Variants in FYB2 observed in about 807,000 individuals in gnomAD.
The protein encoded by FYB2 is FYN-binding protein 2.
A neutral mutation model predicts 94.1 loss-of-function variants in FYB2; 103 were observed. That is an observed-to-expected ratio of 1.09 (90% CI 0.93 to 1.29). The LOEUF (loss-of-function observed/expected upper bound fraction) is 1.29, where lower values mean the gene tolerates loss of function less well. Among genes scored for constraint, FYB2 ranks in the 50% most tolerant of loss-of-function variants. FYB2 has a pLI of 0.00. For synonymous variants in FYB2, 293 were observed against 287.9 expected (o/e 1.02, Z -0.18); for missense variants, 896 against 841.5 (o/e 1.06, Z -0.80).
At chr1:56,798,131 G>T (rs2101011109) in intron 1 of FYB2, among the ~76,000 whole-genome samples, 1 of 152,304 alleles carries the variant, frequency 6.6e-6, no homozygotes, top group African/African-American at 2.4e-5. Flanking sequence ...ATTTAGAAAA[G>T]TTAGCTGGTT....
intron 1 of FYB2, among the ~76,000 whole-genome samples, chr1:56,815,501 G>A (rs575463450): frequency 4.6e-5 from 7 of 152,126 alleles, no homozygotes; most frequent in African/African-American, 7.2e-5. Flanking sequence ...TCCAAGATAG[G>A]GCCTGAGAGT....
chr1:56,773,935 T>C (rs1188681605), intron 4 of FYB2, among the ~76,000 whole-genome samples: 2 of 152,120 alleles, frequency 1.3e-5, no homozygotes, highest in African/African-American at 4.8e-5. Context: ...TGGACAAATT[T>C]CTATTTCCAG....
At chr1:56,766,235 T>C (rs905320135) in intron 5 of FYB2, among the ~76,000 whole-genome samples, 5 of 152,138 alleles carry the variant, frequency 3.3e-5, no homozygotes, top group African/African-American at 1.2e-4. Flanking sequence ...GTATGAACGC[T>C]AGAAATTGAG....
chr1:56,748,956 A>G (rs1402885221), intron 9 of FYB2, among the ~76,000 whole-genome samples: 1 of 151,368 alleles, frequency 6.6e-6, no homozygotes, highest in Non-Finnish European at 1.5e-5. Flanking sequence ...TGTGAAAGGC[A>G]TTTTTATGAG....
At chr1:56,807,514 T>C (rs1646675054) in intron 1 of FYB2, among the ~76,000 whole-genome samples, 1 of 152,176 alleles carries the variant, frequency 6.6e-6, no homozygotes, top group Non-Finnish European at 1.5e-5. Context: ...ATACTAGCAA[T>C]GGAAGTCATT....
At chr1:56,740,824 A>G (rs757489567) in intron 12 of FYB2, 29 bp from the exon 13 acceptor site, 1 of 1,462,126 alleles carries the variant, frequency 6.8e-7, no homozygotes, top group East Asian at 2.3e-5. Context: ...TATAAGTAAC[A>G]TGGCATTTAA....
chr1:56,795,915 T>TC (rs1646386801), intron 1 of FYB2, among the ~76,000 whole-genome samples: 2 of 152,226 alleles, frequency 1.3e-5, no homozygotes, highest in African/African-American at 4.8e-5. Flanking sequence ...GGCTCTTTAC[T>TC]CTTTCAACGC....
At chr1:56,816,850 C>T (rs1012888440) in intron 1 of FYB2, among the ~76,000 whole-genome samples, 2 of 149,886 alleles carry the variant, frequency 1.3e-5, no homozygotes, top group Non-Finnish European at 3.0e-5. Flanking sequence ...AAGTTGGAGT[C>T]ATCAACAATT....
At chr1:56,754,089 T>C (rs1645267525) in intron 7 of FYB2, among the ~76,000 whole-genome samples, 154 bp from the exon 8 acceptor site, 2 of 152,202 alleles carry the variant, frequency 1.3e-5, no homozygotes, top group Middle Eastern at 6.8e-3. Flanking sequence ...AGATCAATTA[T>C]ATACATAGCT....
chr1:56,754,063 T>A, intron 7 of FYB2, 128 bp from the exon 8 acceptor site: 1 of 639,996 alleles, frequency 1.6e-6, no homozygotes. Flanking sequence ...TTATCTTAGA[T>A]GAAGGGACTA....
At chr1:56,726,880 A>C (rs1369671068) in intron 15 of FYB2, among the ~76,000 whole-genome samples, 1 of 151,956 alleles carries the variant, frequency 6.6e-6, no homozygotes, top group Non-Finnish European at 1.5e-5. Context: ...TCCAAATTTG[A>C]ATCCAGATGC....
intron 13 of FYB2, 110 bp from the exon 14 acceptor site, chr1:56,738,763 C>A: frequency 1.8e-6 from 2 of 1,138,468 alleles, no homozygotes; most frequent in Admixed American, 2.1e-5. Context: ...CCCTTCTTGC[C>A]CTGGTATTCT....
In FYB2 at chr1:56,770,919, C is replaced by T. The variant is rs544691867; in HGVS notation, c.954-2981G>A. ...AACAGGGAAATGGAAATCAAGATAACGAAAATTTAGTTCACATTCATCAGA... is the reference window on the plus strand; with the variant it reads ...AACAGGGAAATGGAAATCAAGATAATGAAAATTTAGTTCACATTCATCAGA... On this transcript the variant is annotated intron_variant, in intron 4 of 19. Transcript: ENST00000343433. Among the ~76,000 whole-genome samples, 9 of 152,116 alleles carry T rather than the reference C, an allele frequency of 5.9e-5. 1 individual carries two copies. The South Asian group carries it at 6.2e-4, about 11-fold the overall frequency.
Position 56,744,149 on chromosome 1 carries a change from T to C in FYB2, c.1502+3A>G, listed in dbSNP as rs372349865. The C allele has an allele frequency of 5.0e-6, 8 of 1,612,092 alleles. No individual in the cohort carries two copies. The African/African-American group carries it at 9.4e-5, about 19-fold the overall frequency. ...CTTGCTGAAAGACTGGAATGTTACT[T>C]ACACCTCTTTCCTGGAGTACTCGAC... On this transcript the variant is annotated splice_donor_region_variant and intron_variant, in intron 10 of 19. Transcript: ENST00000343433.
intron 1 of FYB2, among the ~76,000 whole-genome samples, chr1:56,800,012 A>G (rs1646484222): frequency 6.6e-6 from 1 of 152,210 alleles, no homozygotes. Context: ...TCATTTCTGA[A>G]TGTCTGCACA....
chr1:56,785,277 GC>G (rs1338129284), intron 4 of FYB2, among the ~76,000 whole-genome samples: 3 of 152,152 alleles, frequency 2.0e-5, no homozygotes, highest in Non-Finnish European at 4.4e-5. Context: ...GTTAAACACA[GC>G]AGTCACCTTA....
intron 9 of FYB2, among the ~76,000 whole-genome samples, chr1:56,749,662 T>G (rs1161578008): frequency 6.6e-6 from 1 of 152,060 alleles, no homozygotes. Context: ...TTGGTTCTGC[T>G]ATCTGTTCCA....
At chr1:56,766,066 C>T (rs567249723) in intron 5 of FYB2, among the ~76,000 whole-genome samples, 2 of 152,234 alleles carry the variant, frequency 1.3e-5, no homozygotes, top group East Asian at 1.9e-4. Flanking sequence ...ATAGTTGGAA[C>T]GTGGCCCAAA....
chr1:56,778,759 A>T (rs907069588), intron 4 of FYB2, among the ~76,000 whole-genome samples: 1 of 152,224 alleles, frequency 6.6e-6, no homozygotes, highest in Non-Finnish European at 1.5e-5. Context: ...TATAGCCAGG[A>T]AAGCTGACAT....
Sources: allele counts gnomAD v4.1 joint callset (sites outside exome capture counted in the v4.1 genomes callset), GRCh38; gene constraint gnomAD v4.1.1; transcripts MANE v1.5; gene names NCBI Gene and HGNC (gene_info 2026-07-23, HGNC 2026-07-21).